The following ARMC9 variants were observed in gnomAD, a reference collection of about 807,000 sequenced individuals.
The protein encoded by ARMC9 is lisH domain-containing protein ARMC9.
ARMC9 carries 94 observed loss-of-function variants against 107.0 expected under a neutral mutation model. The observed-to-expected ratio is 0.88, with a 90% confidence interval of 0.74 to 1.04. ARMC9 has a LOEUF of 1.04. Ranked by LOEUF, ARMC9 falls within the 50% of genes least tolerant of loss-of-function variation. ARMC9 has a pLI of 0.00. For synonymous variants in ARMC9, 380 were observed against 396.9 expected, an observed-to-expected ratio of 0.96 and a Z score of 0.51; for missense variants, 942 against 1,030.1, an observed-to-expected ratio of 0.91 and a Z score of 1.17.
Position 231,262,054 on chromosome 2 carries a change from C to A in ARMC9, c.1027-252C>A, listed in dbSNP as rs1390608134. On this transcript the variant is annotated intron_variant, in intron 11 of 24. Coordinates refer to ENST00000611582, the MANE Select transcript of ARMC9 (RefSeq NM_001352754.2). Reference sequence around the variant, plus strand: ...AGCCAGGATGGTCTTGATCTCTTGACCTCGTGATCCACCTGCCTCGGCCTC... The same window carrying A: ...AGCCAGGATGGTCTTGATCTCTTGAACTCGTGATCCACCTGCCTCGGCCTC... Among the ~76,000 whole-genome samples the A allele has an allele frequency of 2.0e-5, 3 of 152,212 alleles. No individual in the cohort carries two copies. The East Asian group carries it at 5.8e-4, about 29-fold the overall frequency.
At chr2:231,307,783 A>G (rs564693780) in intron 19 of ARMC9, among the ~76,000 whole-genome samples, 23 of 152,360 alleles carry the variant, frequency 1.5e-4, no homozygotes, top group South Asian at 1.4e-3. Context: ...TAACGTTGAC[A>G]TTGCTCCCCT....
intron 22 of ARMC9, among the ~76,000 whole-genome samples, chr2:231,359,971 GC>G (rs993307494): frequency 1.3e-5 from 2 of 152,204 alleles, no homozygotes; most frequent in African/African-American, 4.8e-5. Context: ...GCTGAGAGGA[GC>G]TTGGCCTAAG....
At chr2:231,292,851 C>T (rs1324593116) in intron 18 of ARMC9, among the ~76,000 whole-genome samples, 1 of 152,226 alleles carries the variant, frequency 6.6e-6, no homozygotes, top group African/African-American at 2.4e-5. Flanking sequence ...TCTTCTAGCT[C>T]AGGGTTCACA....
chr2:231,315,204 A>G (rs58759000), intron 19 of ARMC9, among the ~76,000 whole-genome samples: 16,812 of 147,022 alleles, frequency 0.11, 2,020 homozygotes, highest in East Asian at 0.31. Context: ...ATGCCACTGC[A>G]CTCCAGCCTG....
chr2:231,239,380 C>T (rs2036072428), intron 8 of ARMC9, among the ~76,000 whole-genome samples: 1 of 152,196 alleles, frequency 6.6e-6, no homozygotes, highest in African/African-American at 2.4e-5. Context: ...CGTTGTCGAG[C>T]ACTGGATAGT....
intron 20 of ARMC9, among the ~76,000 whole-genome samples, chr2:231,341,445 T>C (rs2044493417): frequency 6.6e-6 from 1 of 152,208 alleles, no homozygotes; most frequent in Admixed American, 6.5e-5. Context: ...AACTGGGTCC[T>C]ATGGCCCCTA....
chr2:231,347,547 G>T (rs2044864051), intron 21 of ARMC9, among the ~76,000 whole-genome samples: 1 of 152,186 alleles, frequency 6.6e-6, no homozygotes, highest in South Asian at 2.1e-4. Flanking sequence ...AAGTTTGAAT[G>T]CTGGGGGTCT....
chr2:231,238,787 A>G (rs943843672), intron 8 of ARMC9, among the ~76,000 whole-genome samples: 2 of 152,234 alleles, frequency 1.3e-5, no homozygotes, highest in Non-Finnish European at 2.9e-5. Flanking sequence ...ACATGTAGCT[A>G]TGTAACAAAG....
At position 231,209,455 on chromosome 2, in the gene ARMC9, A is replaced by T. The variant is rs141731559; in HGVS notation, c.177+1203A>T. On this transcript the variant is annotated intron_variant, in intron 3 of 24. Transcript: ENST00000611582. ...TCATTTGTAATATGCCAGGTAAGTA[A>T]TCAGTTCACCTAGAATATTTCCATT... 1.3e-3 allele frequency among the ~76,000 whole-genome samples: 195 copies of T among 152,346 alleles called. 1 individual carries two copies. Among genetic ancestry groups the T allele is most frequent in the African/African-American group, 4.5e-3 (185 of 41,568 alleles).
intron 9 of ARMC9, among the ~76,000 whole-genome samples, chr2:231,245,957 G>A (rs1286911348): frequency 6.6e-6 from 1 of 152,316 alleles, no homozygotes; most frequent in East Asian, 1.9e-4. Context: ...GCAGGAGTGG[G>A]TAGAAGGCAG....
intron 20 of ARMC9, among the ~76,000 whole-genome samples, chr2:231,335,631 G>A (rs1182904392): frequency 6.6e-6 from 1 of 152,178 alleles, no homozygotes; most frequent in Non-Finnish European, 1.5e-5. Flanking sequence ...CCCATGAGAT[G>A]TGTTGCTTAC....
intron 16 of ARMC9, among the ~76,000 whole-genome samples, chr2:231,279,664 C>G (rs1416343139): frequency 1.3e-5 from 2 of 151,954 alleles, no homozygotes; most frequent in Non-Finnish European, 2.9e-5. Context: ...GTGCCCGCCA[C>G]TACGTCTGGC....
intron 22 of ARMC9, among the ~76,000 whole-genome samples, chr2:231,357,028 G>A (rs1230622585): frequency 2.0e-5 from 3 of 152,088 alleles, no homozygotes; most frequent in Admixed American, 6.5e-5. Context: ...CTGATTGGAC[G>A]TGCCTTTGGG....
At chr2:231,305,053 G>A (rs1009945274) in intron 19 of ARMC9, among the ~76,000 whole-genome samples, 4 of 152,140 alleles carry the variant, frequency 2.6e-5, no homozygotes, top group African/African-American at 4.8e-5. Flanking sequence ...ATAACCATCC[G>A]CTTTAGTATA....
chr2:231,319,602 A>G (rs2042890011), intron 19 of ARMC9, among the ~76,000 whole-genome samples: 1 of 152,106 alleles, frequency 6.6e-6, no homozygotes, highest in Non-Finnish European at 1.5e-5. Flanking sequence ...CTTTGCTGTC[A>G]TCTTCCAGAT....
At chr2:231,278,254 A>G in intron 15 of ARMC9, 128 bp from the exon 16 acceptor site, 1 of 850,538 alleles carries the variant, frequency 1.2e-6, no homozygotes, top group Non-Finnish European at 2.0e-6. Context: ...ACCCGAGGTC[A>G]TACAGCTCAC....
chr2:231,206,515 C>T (rs546219652), intron 2 of ARMC9, among the ~76,000 whole-genome samples: 5 of 152,292 alleles, frequency 3.3e-5, no homozygotes, highest in East Asian at 1.9e-4. Flanking sequence ...AAGCAATACA[C>T]GTCCACGGTA....
intron 21 of ARMC9, among the ~76,000 whole-genome samples, chr2:231,355,242 G>A (rs2045289184): frequency 6.6e-6 from 1 of 151,508 alleles, no homozygotes. Context: ...CAGAGGCTGA[G>A]ATGGGAGGAT....
At position 231,371,728 on chromosome 2, in the gene ARMC9, A is replaced by G. The variant is rs58092703; in HGVS notation, c.*193A>G. The G allele has an allele frequency of 0.061, 29,789 of 487,994 alleles. 1,061 individuals carry two copies. The highest frequency in any genetic ancestry group is 0.1 in the Middle Eastern group (181 of 1,790). 30.2% of individuals were successfully genotyped at this position (487,994 alleles called of 1,614,324 possible). On this transcript the variant is annotated 3_prime_UTR_variant, in exon 25 of 25. Transcript: ENST00000611582. ...CCCGCCAGCCGGGTCACTTTCTCCC[A>G]GGGCAGAGCCACCAAGGAGGGCTGG...
Sources: allele counts gnomAD v4.1 joint callset (sites outside exome capture counted in the v4.1 genomes callset), GRCh38; gene constraint gnomAD v4.1.1; transcripts MANE v1.5; gene names NCBI Gene and HGNC (gene_info 2026-07-23, HGNC 2026-07-21).